Variants in AHCYL2 observed in about 807,000 individuals in gnomAD.
AHCYL2 encodes adenosylhomocysteinase like 2, also known as S-adenosylhomocysteine hydrolase-like protein 2.
In AHCYL2, 28 loss-of-function variants were observed where a neutral mutation model predicts 81.4. The ratio of observed to expected loss-of-function variants is 0.34; its 90% CI spans 0.25 to 0.47. AHCYL2 has a LOEUF of 0.47. Ranked by LOEUF, AHCYL2 falls within the 20% of genes least tolerant of loss-of-function variation. The probability of loss-of-function intolerance (pLI) is 1.00; values close to 1 mark genes in which losing one functional copy is unlikely to be tolerated. For missense variants in AHCYL2, 551 were observed against 785.1 expected, an observed-to-expected ratio of 0.70 and a Z score of 3.56; for synonymous variants, 272 against 290.2, an observed-to-expected ratio of 0.94 and a Z score of 0.64.
rs932663794 is a variant in AHCYL2, at chr7:129,367,538, A to G, written c.364-12100A>G. Among the ~76,000 whole-genome samples the G allele has an allele frequency of 2.0e-5, 3 of 152,342 alleles. No homozygotes were observed. In the South Asian group the frequency reaches 6.2e-4, roughly 32 times the overall value. ...CTTTAAGGTGATAGTGTACAGGGCTACTGCACTGGCATCCTGTTTCTTCCT... is the reference window on the plus strand; with the variant it reads ...CTTTAAGGTGATAGTGTACAGGGCTGCTGCACTGGCATCCTGTTTCTTCCT... On this transcript the variant is annotated intron_variant, in intron 1 of 16. Coordinates refer to ENST00000325006, the MANE Select transcript of AHCYL2 (RefSeq NM_015328.4).
chr7:129,294,248 G>C (rs1486682578), intron 1 of AHCYL2, among the ~76,000 whole-genome samples: 1 of 152,064 alleles, frequency 6.6e-6, no homozygotes, highest in Non-Finnish European at 1.5e-5. Flanking sequence ...ATCTCTAAAA[G>C]CTCTCTTTAG....
chr7:129,416,999 G>A (rs1415619454), intron 12 of AHCYL2, among the ~76,000 whole-genome samples: 1 of 151,876 alleles, frequency 6.6e-6, no homozygotes, highest in Non-Finnish European at 1.5e-5. Context: ...GTGGTGGCTT[G>A]CACCTGTAGT....
chr7:129,233,097 A>G (rs1794505641), intron 1 of AHCYL2, among the ~76,000 whole-genome samples: 1 of 152,212 alleles, frequency 6.6e-6, no homozygotes, highest in Admixed American at 6.5e-5. Flanking sequence ...TCTATTTCAT[A>G]TGCATAATCA....
intron 1 of AHCYL2, among the ~76,000 whole-genome samples, chr7:129,336,737 A>G (rs1563201815): frequency 6.6e-6 from 1 of 152,100 alleles, no homozygotes; most frequent in Non-Finnish European, 1.5e-5. Flanking sequence ...AAGACATAGT[A>G]AAACATTAAT....
chr7:129,406,256 T>G lies in AHCYL2; in HGVS notation c.1207-122T>G. The G allele has an allele frequency of 1.2e-6, 1 of 816,276 alleles. No individual in the cohort carries two copies. Among genetic ancestry groups the G allele is most frequent in the Non-Finnish European group, 2.0e-6 (1 of 502,894 alleles). The allele number at this position is 816,276 out of a possible 1,614,324, so 50.6% of individuals were successfully genotyped here. A position where few individuals can be genotyped will look rare whatever the true frequency, so the allele number is the denominator to read the frequency against. Reference sequence around the variant, plus strand: ...ATTTGTTCTTCTCGTTTTCCCCAAGTATGAATCTATTCAGTGAAATTCCTC... The same window carrying G: ...ATTTGTTCTTCTCGTTTTCCCCAAGGATGAATCTATTCAGTGAAATTCCTC... On this transcript the variant is annotated intron_variant, in intron 9 of 16. Transcript: ENST00000325006. The surrounding 1 kb of genome is among the most constrained non-coding windows in gnomAD (Gnocchi z 4.3).
intron 1 of AHCYL2, among the ~76,000 whole-genome samples, chr7:129,350,452 C>T (rs1793518470): frequency 6.7e-6 from 1 of 150,206 alleles, no homozygotes; most frequent in African/African-American, 2.5e-5. Context: ...GGCGTGGTCT[C>T]AGCTTACTGC....
At chr7:129,383,702 C>T (rs1226467389) in intron 2 of AHCYL2, among the ~76,000 whole-genome samples, 4 of 152,154 alleles carry the variant, frequency 2.6e-5, no homozygotes, top group African/African-American at 4.8e-5. Context: ...CCTCCCTCCC[C>T]GAGATGTTCA....
At chr7:129,253,675 A>G (rs1795316108) in intron 1 of AHCYL2, among the ~76,000 whole-genome samples, 1 of 152,180 alleles carries the variant, frequency 6.6e-6, no homozygotes, top group African/African-American at 2.4e-5. Flanking sequence ...GCAGTGGTTC[A>G]GACACAGCTC....
intron 1 of AHCYL2, among the ~76,000 whole-genome samples, chr7:129,295,848 C>T (rs1418646276): frequency 6.6e-6 from 1 of 152,160 alleles, no homozygotes; most frequent in Non-Finnish European, 1.5e-5. Context: ...CCAACAGTTG[C>T]TGACTTTGCT....
chr7:129,415,563 C>T lies in AHCYL2; in HGVS notation c.1461+1875C>T, dbSNP rs1374281227. Among the ~76,000 whole-genome samples the T allele has an allele frequency of 5.3e-5, 8 of 151,920 alleles. No individual in the cohort carries two copies. The South Asian group carries it at 6.2e-4, about 12-fold the overall frequency. ...ACAGGCCAGGCACGGTGGCTCACAC[C>T]TGTAATCCCAGCACTTTGGGAGGCT... On this transcript the variant is annotated intron_variant, in intron 12 of 16. Transcript: ENST00000325006.
intron 6 of AHCYL2, among the ~76,000 whole-genome samples, chr7:129,401,202 G>T (rs1040242712): frequency 6.6e-6 from 1 of 152,088 alleles, no homozygotes; most frequent in African/African-American, 2.4e-5. Context: ...TGTAGTAGTA[G>T]TCCCAGCTAC....
At chr7:129,252,504 C>A (rs1795277952) in intron 1 of AHCYL2, among the ~76,000 whole-genome samples, 1 of 152,206 alleles carries the variant, frequency 6.6e-6, no homozygotes, top group South Asian at 2.1e-4. Context: ...TGATGGCTCA[C>A]CTCTGTAATC....
intron 4 of AHCYL2, among the ~76,000 whole-genome samples, chr7:129,391,545 C>A (rs1336008524): frequency 6.6e-6 from 1 of 152,142 alleles, no homozygotes; most frequent in Non-Finnish European, 1.5e-5. Flanking sequence ...CCAAAAATGC[C>A]CCCACAATTT....
At chr7:129,397,123 T>C in intron 4 of AHCYL2, 99 bp from the exon 5 acceptor site, 1 of 1,017,194 alleles carries the variant, frequency 9.8e-7, no homozygotes. Flanking sequence ...GCTTAAGTCA[T>C]TCCCGTTGTA....
At chr7:129,327,387 A>G (rs1322516073) in intron 1 of AHCYL2, among the ~76,000 whole-genome samples, 1 of 152,206 alleles carries the variant, frequency 6.6e-6, no homozygotes, top group Non-Finnish European at 1.5e-5. Context: ...TGAGGAATAA[A>G]TGTCTGTTGG....
chr7:129,234,708 C>G (rs1437966841), intron 1 of AHCYL2, among the ~76,000 whole-genome samples: 2 of 152,148 alleles, frequency 1.3e-5, no homozygotes, highest in African/African-American at 4.8e-5. Context: ...GTTGCCCAGG[C>G]TGGCCTCGAA....
intron 1 of AHCYL2, among the ~76,000 whole-genome samples, chr7:129,242,296 T>C (rs1794886959): frequency 6.6e-6 from 1 of 152,020 alleles, no homozygotes; most frequent in Non-Finnish European, 1.5e-5. Context: ...TCCTAACGTG[T>C]TGGGATTCCA....
intron 6 of AHCYL2, among the ~76,000 whole-genome samples, chr7:129,401,838 G>A (rs996400273): frequency 5.9e-5 from 9 of 152,180 alleles, no homozygotes; most frequent in African/African-American, 1.9e-4. Flanking sequence ...TGCTAGGAAG[G>A]TTAATAAAGA....
chr7:129,360,396 G>T (rs760707139), intron 1 of AHCYL2, among the ~76,000 whole-genome samples: 2 of 152,176 alleles, frequency 1.3e-5, no homozygotes, highest in African/African-American at 4.8e-5. Flanking sequence ...GATTACAGGC[G>T]TGAGCCACCA....
Sources: gnomAD v4.1 joint callset for allele counts (sites outside exome capture counted in the v4.1 genomes callset) on GRCh38, gnomAD v4.1.1 for gene constraint, Gnocchi (gnomAD v3.1) non-coding constraint, MANE v1.5 for transcripts, NCBI Gene and HGNC (gene_info 2026-07-23, HGNC 2026-07-21) for gene names.